Variants in CDCA7L observed in about 807,000 individuals in gnomAD.
The protein encoded by CDCA7L is cell division cycle associated 7 like, also known as cell division cycle-associated 7-like protein.
CDCA7L carries 44 observed loss-of-function variants against 57.4 expected under a neutral mutation model. The observed-to-expected ratio is 0.77, with a 90% CI of 0.60 to 0.98. The LOEUF is 0.98. Ranked by LOEUF, CDCA7L falls within the 50% of genes least tolerant of loss-of-function variation. The pLI, the probability that CDCA7L is intolerant of heterozygous loss-of-function variation, is 0.00. For synonymous variants in CDCA7L, 236 were observed against 202.8 expected, an observed-to-expected ratio of 1.16 and a Z score of -1.39; for missense variants, 644 against 580.6, an observed-to-expected ratio of 1.11 and a Z score of -1.12.
intron 7 of CDCA7L, among the ~76,000 whole-genome samples, chr7:21,904,481 AG>A (rs1345121550): frequency 6.6e-6 from 1 of 152,202 alleles, no homozygotes; most frequent in Non-Finnish European, 1.5e-5. Context: ...GCTGCACAGC[AG>A]GAAGTGAGCA....
In CDCA7L at chr7:21,903,115, C is replaced by T; in HGVS notation, c.1198-1G>A. ...CACGACAGGGGGGACACACCCAATC[C>T]TAACAGAGAGATGACAGCAGACACT... On this transcript the variant is annotated splice_acceptor_variant, in intron 8 of 9. Coordinates refer to ENST00000406877, the MANE Select transcript of CDCA7L (RefSeq NM_018719.5). LOFTEE classifies it high-confidence loss of function. 6.2e-7 allele frequency: 1 copy of T among 1,613,006 alleles called. No individual in the cohort carries two copies. The highest frequency in any genetic ancestry group is 8.5e-7 in the Non-Finnish European group (1 of 1,179,648).
intron 1 of CDCA7L, among the ~76,000 whole-genome samples, chr7:21,928,422 C>T (rs1428227574): frequency 6.6e-6 from 1 of 151,988 alleles, no homozygotes; most frequent in East Asian, 1.9e-4. Context: ...CAACTCCTTA[C>T]CAGCAAGGGA....
chr7:21,903,050 C>T lies in CDCA7L; in HGVS notation c.1262G>A (p.Arg421His), dbSNP rs757696242. The T allele has an allele frequency of 1.1e-5, 18 of 1,613,834 alleles. No homozygotes were observed. The highest frequency in any genetic ancestry group is 2.2e-5 in the South Asian group (2 of 91,082). ...NCSYCRKRDG[R>H]CATGILIHLA... ...ATGAATGAGGATTCCTGTGGCACAG[C>T]GGCCGTCACGCTTCCGACAGTAGCT... Residue 421 changes from arginine (R) to histidine (H), a missense_variant, in exon 9 of 10, where the codon CGC (arginine) becomes CAC (histidine). Transcript: ENST00000406877.
chr7:21,945,844 C>T lies in CDCA7L; in HGVS notation c.-40G>A, dbSNP rs746300215. ...CTCCAGTCTCCTCCCAGCACGCGGC[C>T]ACGGGAGCCCGGACTCACCACGGCC... On this transcript the variant is annotated 5_prime_UTR_variant, in exon 1 of 10. Coordinates refer to ENST00000406877, the MANE Select transcript of CDCA7L (RefSeq NM_018719.5). The T allele has an allele frequency of 3.1e-6, 5 of 1,588,786 alleles. No homozygotes were observed. The highest frequency in any genetic ancestry group is 1.1e-5 in the South Asian group (1 of 87,906).
chr7:21,916,943 T>C, intron 1 of CDCA7L, 49 bp from the exon 2 acceptor site: 1 of 1,608,514 alleles, frequency 6.2e-7, no homozygotes, highest in Non-Finnish European at 8.5e-7. Flanking sequence ...TTCTTGCTAA[T>C]CACTTAGGGA....
In CDCA7L at chr7:21,926,380, G is replaced by A. The variant is rs1282153621; in HGVS notation, c.25-9486C>T. ...AAAAATCTGCAGAATGGGAGAAATAGCTACAAATCATGTATCTAATAAGGA... is the reference window on the plus strand; with the variant it reads ...AAAAATCTGCAGAATGGGAGAAATAACTACAAATCATGTATCTAATAAGGA... On this transcript the variant is annotated intron_variant, in intron 1 of 9. Coordinates refer to ENST00000406877, the MANE Select transcript of CDCA7L (RefSeq NM_018719.5). Among the ~76,000 whole-genome samples the A allele has an allele frequency of 2.6e-5, 4 of 152,130 alleles. No homozygotes were observed. In the East Asian group the frequency reaches 7.7e-4, roughly 29 times the overall value.
intron 1 of CDCA7L, among the ~76,000 whole-genome samples, chr7:21,924,974 G>A (rs1021670071): frequency 6.6e-6 from 1 of 152,150 alleles, no homozygotes; most frequent in Non-Finnish European, 1.5e-5. Context: ...ACATGCATCT[G>A]ACCTCTGAAT....
intron 1 of CDCA7L, among the ~76,000 whole-genome samples, chr7:21,934,392 G>A (rs2128068862): frequency 6.6e-6 from 1 of 151,942 alleles, no homozygotes; most frequent in South Asian, 2.1e-4. Context: ...TAATCTCCAT[G>A]GTAACACAAA....
Position 21,902,116 on chromosome 7 carries a change from A to G in CDCA7L, c.*206T>C, listed in dbSNP as rs1246999513. Reference sequence around the variant, plus strand: ...GTTCAGCATACAGACAGGTCTGTGCATACATCTATATAGATTCCTCTGCTC... The same window carrying G: ...GTTCAGCATACAGACAGGTCTGTGCGTACATCTATATAGATTCCTCTGCTC... On this transcript the variant is annotated 3_prime_UTR_variant, in exon 10 of 10. Transcript: ENST00000406877. 1.3e-5 allele frequency: 8 copies of G among 605,830 alleles called. No homozygotes were observed. Among genetic ancestry groups the G allele is most frequent in the Non-Finnish European group, 2.4e-5 (8 of 338,488 alleles). 37.5% of individuals were successfully genotyped at this position (605,830 alleles called of 1,614,324 possible).
intron 1 of CDCA7L, among the ~76,000 whole-genome samples, chr7:21,918,142 T>A (rs1395386142): frequency 6.6e-6 from 1 of 152,232 alleles, no homozygotes; most frequent in East Asian, 1.9e-4. Flanking sequence ...ATGCATTGCA[T>A]AAGGGGGCAC....
chr7:21,944,264 C>T (rs1181905355), intron 1 of CDCA7L, among the ~76,000 whole-genome samples: 2 of 136,486 alleles, frequency 1.5e-5, no homozygotes, highest in Non-Finnish European at 1.5e-5. Context: ...CATTGTGAAA[C>T]CCTGTCTCTA....
chr7:21,926,282 A>C (rs1018221445), intron 1 of CDCA7L, among the ~76,000 whole-genome samples: 1 of 152,238 alleles, frequency 6.6e-6, no homozygotes, highest in Non-Finnish European at 1.5e-5. Flanking sequence ...CAACAATTCG[A>C]GGAAAATAAT....
intron 6 of CDCA7L, 125 bp downstream of exon 6, chr7:21,906,164 G>C (rs894185447): frequency 3.5e-6 from 3 of 850,348 alleles, no homozygotes; most frequent in South Asian, 3.7e-5. Context: ...AGAGAGAAAT[G>C]CAAGTTCTCA....
At chr7:21,911,154 C>T (rs542374843) in intron 3 of CDCA7L, among the ~76,000 whole-genome samples, 5 of 150,884 alleles carry the variant, frequency 3.3e-5, no homozygotes, top group Non-Finnish European at 7.4e-5. Flanking sequence ...CTCCGCCTCC[C>T]GAGTAGCTTG....
chr7:21,921,169 T>C (rs151189035), intron 1 of CDCA7L, among the ~76,000 whole-genome samples: 26 of 152,216 alleles, frequency 1.7e-4, no homozygotes, highest in African/African-American at 5.8e-4. Flanking sequence ...TTCTGCATCT[T>C]TGACTTCTGC....
At position 21,901,198 on chromosome 7, in the gene CDCA7L, G is replaced by T; in HGVS notation, c.*1124C>A. 2 of 1,613,662 alleles carry T rather than the reference G, an allele frequency of 1.2e-6. No individual in the cohort carries two copies. The highest frequency in any genetic ancestry group is 1.7e-6 in the Non-Finnish European group (2 of 1,179,758). On this transcript the variant is annotated 3_prime_UTR_variant, in exon 10 of 10. Transcript: ENST00000406877. Reference sequence around the variant, plus strand: ...CATCTGGACCTTCAGGCTGAAGAGCGAAGAGAAGACTGCAAAATGGGTTCT... The same window carrying T: ...CATCTGGACCTTCAGGCTGAAGAGCTAAGAGAAGACTGCAAAATGGGTTCT...
rs1413500993 is a variant in CDCA7L, at chr7:21,911,633, G to C, written c.287C>G (p.Thr96Ser). ...AATTATTACCATTACTTCTGGGTTA[G>C]TCTTTCCATTCAGATCACTCTGCGT... ...GFTQSDLNGKTNPEVMVVESD... is the reference protein window; with the variant it reads ...GFTQSDLNGKSNPEVMVVESD... Residue 96 changes from threonine (T) to serine (S), a missense_variant, in exon 3 of 10, where the codon ACT becomes AGT. Coordinates refer to ENST00000406877, the MANE Select transcript of CDCA7L (RefSeq NM_018719.5). 1.2e-6 allele frequency: 2 copies of C among 1,612,668 alleles called. No individual in the cohort carries two copies. Among genetic ancestry groups the C allele is most frequent in the African/African-American group, 2.7e-5 (2 of 74,878 alleles).
chr7:21,929,719 CAAAG>C (rs1261581350), intron 1 of CDCA7L, among the ~76,000 whole-genome samples: 1 of 138,770 alleles, frequency 7.2e-6, no homozygotes, highest in Non-Finnish European at 1.5e-5. Context: ...TCAAAACAGA[CAAAG>C]AAGGGCATTA....
Position 21,926,602 on chromosome 7 carries a change from T to C in CDCA7L, c.25-9708A>G, listed in dbSNP as rs375712030. Among the ~76,000 whole-genome samples, 10 of 152,220 alleles carry C rather than the reference T, an allele frequency of 6.6e-5. No homozygotes were observed. In the East Asian group the frequency reaches 9.7e-4, roughly 15 times the overall value. Reference sequence around the variant, plus strand: ...AATAGGTAATACTGGCTGGATACAGTGGCTCATGCCTGTAATCCAAGCATT... The same window carrying C: ...AATAGGTAATACTGGCTGGATACAGCGGCTCATGCCTGTAATCCAAGCATT... On this transcript the variant is annotated intron_variant, in intron 1 of 9. Transcript: ENST00000406877.
Sources: gnomAD v4.1 joint callset for allele counts (sites outside exome capture counted in the v4.1 genomes callset) on GRCh38, gnomAD v4.1.1 for gene constraint, MANE v1.5 for transcripts, NCBI Gene and HGNC (gene_info 2026-07-23, HGNC 2026-07-21) for gene names.